NOXRED1: variants seen among roughly 807,000 people sequenced by gnomAD.
The protein encoded by NOXRED1 is NADP dependent oxidoreductase domain containing 1.
Under a neutral mutation model 30.4 loss-of-function variants are expected in NOXRED1, and 20 were observed. The observed-to-expected ratio is 0.66, with a 90% CI of 0.46 to 0.96. The LOEUF is 0.96. NOXRED1 is among the 40% of genes least tolerant of loss of function. NOXRED1 has a pLI of 0.00. For missense variants in NOXRED1, 374 were observed against 428.0 expected (o/e 0.87, Z 1.11); for synonymous variants, 155 against 168.0 (o/e 0.92, Z 0.60).
intron 5 of NOXRED1, among the ~76,000 whole-genome samples, chr14:77,395,117 T>TC (rs1164994498): frequency 1.3e-5 from 2 of 150,682 alleles, no homozygotes; most frequent in African/African-American, 4.9e-5. Context: ...TTCTTTTTTT[T>TC]TTTTTTGAGA....
intron 4 of NOXRED1, 175 bp downstream of exon 4, chr14:77,406,549 T>C (rs956654224): frequency 2.9e-5 from 22 of 749,992 alleles, no homozygotes; most frequent in Non-Finnish European, 4.7e-5. Flanking sequence ...ATCAAGCTTC[T>C]CAGCTCTTCC....
chr14:77,409,032 C>T (rs1483528010), intron 2 of NOXRED1, among the ~76,000 whole-genome samples: 1 of 150,376 alleles, frequency 6.6e-6, no homozygotes, highest in Non-Finnish European at 1.5e-5. Context: ...TATGGATTTT[C>T]AAAAGTATAA....
rs186014134 is a variant in NOXRED1, at chr14:77,396,108, T to C, written c.906-1303A>G. On this transcript the variant is annotated intron_variant, in intron 5 of 5. Coordinates refer to ENST00000380835, the MANE Select transcript of NOXRED1 (RefSeq NM_001113475.3). The stretch of plus-strand genomic sequence containing the variant: ...AAGATACCTGCTCTCACCAGTCTTA[T>C]ACAGAATAGTACTAGAAGTTCTAGG... Among the ~76,000 whole-genome samples the C allele has an allele frequency of 5.7e-4, 86 of 152,088 alleles. 1 individual carries two copies. The highest frequency in any genetic ancestry group is 1.8e-3 in the African/African-American group (75 of 41,500).
In NOXRED1 at chr14:77,406,139, C is replaced by T. The variant is rs764978674; in HGVS notation, c.683-4G>A. The T allele has an allele frequency of 3.8e-6, 6 of 1,598,946 alleles. No homozygotes were observed. In the South Asian group the frequency reaches 6.6e-5, roughly 18 times the overall value. On this transcript the variant is annotated splice_region_variant and splice_polypyrimidine_tract_variant and intron_variant, in intron 4 of 5. Transcript: ENST00000380835. The stretch of plus-strand genomic sequence containing the variant: ...TTGATATTGAGGATTATTCCCCCTA[C>T]ACATCAATGAGAAGGTAAATACCAG...
Position 77,400,689 on chromosome 14 carries a change from G to C in NOXRED1, c.905+5224C>G, listed in dbSNP as rs1446121134. Reference sequence around the variant, plus strand: ...GAATAGTCTCTTATGACTTAGAATGGCTTAGTGAAGCAATAGGGCAAATGT... The same window carrying C: ...GAATAGTCTCTTATGACTTAGAATGCCTTAGTGAAGCAATAGGGCAAATGT... On this transcript the variant is annotated intron_variant, in intron 5 of 5. Transcript: ENST00000380835. 1.3e-5 allele frequency among the ~76,000 whole-genome samples: 2 copies of C among 152,186 alleles called. 1 individual carries two copies. The highest frequency in any genetic ancestry group is 4.1e-4 in the South Asian group (2 of 4,830).
chr14:77,411,044 T>C (rs144485740), intron 2 of NOXRED1, among the ~76,000 whole-genome samples: 157 of 152,314 alleles, frequency 1.0e-3, no homozygotes, highest in African/African-American at 3.6e-3. Flanking sequence ...TATACATGTA[T>C]TCATGGCAGC....
At chr14:77,418,658 T>C (rs1483376213) in intron 1 of NOXRED1, among the ~76,000 whole-genome samples, 1 of 151,956 alleles carries the variant, frequency 6.6e-6, no homozygotes, top group African/African-American at 2.4e-5. Context: ...GACTACCACG[T>C]ACCTGAGACC....
chr14:77,412,010 G>A (rs748123623), intron 2 of NOXRED1, among the ~76,000 whole-genome samples: 3 of 149,254 alleles, frequency 2.0e-5, no homozygotes, highest in Non-Finnish European at 4.4e-5. Flanking sequence ...CGGGAGAATC[G>A]CTTGAACCCG....
At chr14:77,420,586 T>G (rs1365927326) in intron 1 of NOXRED1, among the ~76,000 whole-genome samples, 1 of 152,160 alleles carries the variant, frequency 6.6e-6, no homozygotes, top group Non-Finnish European at 1.5e-5. Context: ...TTTCTGTGTT[T>G]TGTAGCTCAT....
chr14:77,399,652 G>T (rs1240301436), intron 5 of NOXRED1, among the ~76,000 whole-genome samples: 1 of 152,092 alleles, frequency 6.6e-6, no homozygotes, highest in African/African-American at 2.4e-5. Context: ...TGAATCTGAG[G>T]ATATCTCAAC....
At chr14:77,419,670 G>A (rs1354095659) in intron 1 of NOXRED1, among the ~76,000 whole-genome samples, 3 of 150,918 alleles carry the variant, frequency 2.0e-5, no homozygotes, top group Admixed American at 1.3e-4. Context: ...GGATGGTCTC[G>A]ATGTCCTGAC....
chr14:77,406,727 C>A lies in NOXRED1; in HGVS notation c.679G>T (p.Ala227Ser). The change falls in exon 4 of 6, where the codon GCT becomes TCT. Residue 227 changes from alanine to serine, a missense_variant. Physicochemically the swap from Ala to Ser is moderately conservative, Grantham distance 99. Transcript: ENST00000380835. Reference sequence around the variant, plus strand: ...CAGAAATATGTTGAGCCGTGACCAGCAGGACTGTAGGGACAGGTAGCTTGA... The same window carrying A: ...CAGAAATATGTTGAGCCGTGACCAGAAGGACTGTAGGGACAGGTAGCTTGA... ...ILQATCPYSPAGGIILNIKWL... is the reference protein window; with the variant it reads ...ILQATCPYSPSGGIILNIKWL... The A allele has an allele frequency of 2.5e-6, 4 of 1,614,002 alleles. No homozygotes were observed. The highest frequency in any genetic ancestry group is 3.4e-6 in the Non-Finnish European group (4 of 1,179,944).
At chr14:77,399,667 AC>A (rs1894273340) in intron 5 of NOXRED1, among the ~76,000 whole-genome samples, 1 of 152,186 alleles carries the variant, frequency 6.6e-6, no homozygotes, top group Non-Finnish European at 1.5e-5. Context: ...CTCAACAGAA[AC>A]CTCCAAAACT....
At chr14:77,407,151 G>A (rs545480987) in intron 3 of NOXRED1, among the ~76,000 whole-genome samples, 1 of 152,310 alleles carries the variant, frequency 6.6e-6, no homozygotes, top group South Asian at 2.1e-4. Context: ...TCATGTTATT[G>A]ACCGATGGTT....
At chr14:77,412,472 C>A (rs1008979146) in intron 2 of NOXRED1, among the ~76,000 whole-genome samples, 2 of 152,088 alleles carry the variant, frequency 1.3e-5, no homozygotes. Flanking sequence ...CTGGGGTAAC[C>A]TTCTACTGTG....
chr14:77,413,276 A>G (rs1444177497), intron 2 of NOXRED1, among the ~76,000 whole-genome samples: 6 of 144,162 alleles, frequency 4.2e-5, no homozygotes, highest in East Asian at 4.1e-4. Flanking sequence ...GTCTTACTCT[A>G]TCTCCAGGCT....
At chr14:77,407,692 T>C in intron 2 of NOXRED1, 47 bp from the exon 3 acceptor site, 1 of 1,334,696 alleles carries the variant, frequency 7.5e-7, no homozygotes, top group Non-Finnish European at 1.1e-6. Context: ...CTAAAGAGTT[T>C]GACCTGAACA....
intron 2 of NOXRED1, 91 bp downstream of exon 2, chr14:77,413,843 G>T: frequency 1.2e-6 from 1 of 821,550 alleles, no homozygotes. Flanking sequence ...CTGTATGCAA[G>T]GATTCCTCTT....
chr14:77,394,837 T>C, intron 5 of NOXRED1, 32 bp from the exon 6 acceptor site: 1 of 1,549,356 alleles, frequency 6.5e-7, no homozygotes, highest in Non-Finnish European at 8.9e-7. Context: ...TACTTTTTTA[T>C]GTCTGTTCAG....
Sources: allele counts gnomAD v4.1 joint callset (sites outside exome capture counted in the v4.1 genomes callset), GRCh38; gene constraint gnomAD v4.1.1; transcripts MANE v1.5; gene names NCBI Gene and HGNC (gene_info 2026-07-23, HGNC 2026-07-21).